Variants in ZNF69 observed in about 807,000 individuals in gnomAD.
The protein encoded by ZNF69 is zinc finger protein 69.
ZNF69 carries 47 observed loss-of-function variants against 50.9 expected under a neutral mutation model. The ratio of observed to expected loss-of-function variants is 0.92; its 90% confidence interval spans 0.73 to 1.18. The LOEUF is 1.18. Ranked by LOEUF, ZNF69 falls within the 50% of genes most tolerant of loss-of-function variation. The pLI is 0.00. For missense variants in ZNF69, 717 were observed against 675.1 expected, an observed-to-expected ratio of 1.06 and a Z score of -0.69; for synonymous variants, 216 against 223.1, an observed-to-expected ratio of 0.97 and a Z score of 0.29.
the ZNF69 span, among the ~76,000 whole-genome samples, chr19:11,957,088 T>G: frequency 2.8e-5 from 4 of 144,736 alleles, 1 homozygote; most frequent in South Asian, 6.5e-4. Context: ...CAGTAAGAAA[T>G]AAGTTTTTTT....
intron 1 of ZNF69, 127 bp from the exon 2 acceptor site, chr19:11,903,446 C>T: frequency 1.4e-6 from 2 of 1,457,060 alleles, no homozygotes; most frequent in South Asian, 1.4e-5. Flanking sequence ...AGTAAGTATA[C>T]ACAGGGAGAA....
At chr19:11,947,172 AT>A in the ZNF69 span, 1 of 1,612,926 alleles carries the variant, frequency 6.2e-7, no homozygotes, top group South Asian at 1.1e-5. Context: ...CACATGTGAG[AT>A]GTTTCAGGAC....
chr19:11,966,916 A>C, the ZNF69 span, among the ~76,000 whole-genome samples: 1 of 152,168 alleles, frequency 6.6e-6, no homozygotes, highest in Non-Finnish European at 1.5e-5. Flanking sequence ...CCAAAATTGG[A>C]AGTTAAGTTC....
At chr19:11,899,122 C>T (rs2145225773) in intron 1 of ZNF69, among the ~76,000 whole-genome samples, 1 of 152,276 alleles carries the variant, frequency 6.6e-6, no homozygotes. Flanking sequence ...TCTTTTGCCA[C>T]CCCTATTTAT....
the ZNF69 span, among the ~76,000 whole-genome samples, chr19:11,934,253 C>T: frequency 1.4e-5 from 2 of 147,900 alleles, 1 homozygote; most frequent in African/African-American, 5.3e-5. Flanking sequence ...CTAAAAACGT[C>T]TGTGGGAGGA....
the ZNF69 span, among the ~76,000 whole-genome samples, chr19:11,954,996 A>T: frequency 0.012 from 1,266 of 101,760 alleles, 18 homozygotes; most frequent in Non-Finnish European, 0.018. Flanking sequence ...TTTCAAAAAA[A>T]TTTTTTTTTT....
chr19:11,957,713 C>T, the ZNF69 span, among the ~76,000 whole-genome samples: 1 of 151,760 alleles, frequency 6.6e-6, no homozygotes, highest in Admixed American at 6.6e-5. Flanking sequence ...GGTGTGGTGG[C>T]ACACACCTGT....
the ZNF69 span, among the ~76,000 whole-genome samples, chr19:11,955,817 T>C: frequency 1.3e-5 from 2 of 152,198 alleles, no homozygotes; most frequent in East Asian, 3.8e-4. Flanking sequence ...CTGTTATCTG[T>C]GGGGTAAGAC....
At chr19:11,899,653 C>T (rs1371000386) in intron 1 of ZNF69, among the ~76,000 whole-genome samples, 1 of 151,796 alleles carries the variant, frequency 6.6e-6, no homozygotes, top group Non-Finnish European at 1.5e-5. Flanking sequence ...AAAGACTCAC[C>T]TTGTTTGATT....
chr19:11,901,629 C>T (rs555188562), intron 1 of ZNF69, among the ~76,000 whole-genome samples: 7 of 151,942 alleles, frequency 4.6e-5, no homozygotes, highest in Non-Finnish European at 7.4e-5. Flanking sequence ...TGACTATAGG[C>T]ATGTGCCACC....
At chr19:11,893,356 C>T (rs983496539) in intron 1 of ZNF69, among the ~76,000 whole-genome samples, 1 of 152,146 alleles carries the variant, frequency 6.6e-6, no homozygotes, top group Non-Finnish European at 1.5e-5. Flanking sequence ...CTGTTTTCCC[C>T]TGGCATTTTC....
the ZNF69 span, among the ~76,000 whole-genome samples, chr19:11,929,014 T>C: frequency 6.8e-6 from 1 of 148,144 alleles, no homozygotes; most frequent in East Asian, 1.9e-4. Flanking sequence ...TACAAAACGC[T>C]ATAGGTAGGA....
chr19:11,955,942 T>C, the ZNF69 span, among the ~76,000 whole-genome samples: 1 of 152,064 alleles, frequency 6.6e-6, no homozygotes, highest in East Asian at 1.9e-4. Flanking sequence ...GATAATAAAA[T>C]TCAGATAATA....
the ZNF69 span, among the ~76,000 whole-genome samples, chr19:11,964,306 C>T: frequency 6.6e-6 from 1 of 152,130 alleles, no homozygotes; most frequent in East Asian, 1.9e-4. Context: ...ACCTCTGGAG[C>T]CTGGGGCTGT....
At chr19:11,966,493 C>T in the ZNF69 span, among the ~76,000 whole-genome samples, 2 of 152,176 alleles carry the variant, frequency 1.3e-5, no homozygotes, top group South Asian at 4.1e-4. Context: ...CCTGCCTCAG[C>T]TTCCTGAGTA....
At chr19:11,979,682 G>T in the ZNF69 span, 1 of 1,602,538 alleles carries the variant, frequency 6.2e-7, no homozygotes, top group East Asian at 2.2e-5. Context: ...TCAAATGCAT[G>T]CTGGGACTCA....
At chr19:11,933,760 G>A in the ZNF69 span, among the ~76,000 whole-genome samples, 6 of 145,766 alleles carry the variant, frequency 4.1e-5, no homozygotes, top group South Asian at 2.1e-4. Flanking sequence ...TTTTTGAATG[G>A]TGTGAACCCA....
the ZNF69 span, among the ~76,000 whole-genome samples, chr19:11,941,780 G>A: frequency 1.1e-4 from 16 of 152,360 alleles, no homozygotes; most frequent in African/African-American, 3.4e-4. Flanking sequence ...CTCAAGTGCC[G>A]CCAAAGTGGG....
At chr19:11,976,986 C>G in the ZNF69 span, 1 of 1,610,116 alleles carries the variant, frequency 6.2e-7, no homozygotes, top group Non-Finnish European at 8.5e-7. Context: ...AGTCTAGGCC[C>G]CCACTGCTGT....
Sources: allele counts gnomAD v4.1 joint callset (sites outside exome capture counted in the v4.1 genomes callset), GRCh38; gene constraint gnomAD v4.1.1; transcripts MANE v1.5; gene names NCBI Gene and HGNC (gene_info 2026-07-23, HGNC 2026-07-21).